IGFBP7: variants seen among roughly 807,000 people sequenced by gnomAD.
IGFBP7 encodes insulin like growth factor binding protein 7, also known as insulin-like growth factor-binding protein 7.
In IGFBP7, 31 loss-of-function variants were observed where a neutral mutation model predicts 29.4. The ratio of observed to expected loss-of-function variants is 1.05; its 90% confidence interval spans 0.79 to 1.42. IGFBP7 has a LOEUF of 1.42. IGFBP7 is among the 40% of genes most tolerant of loss of function. The pLI, the probability that IGFBP7 is intolerant of heterozygous loss-of-function variation, is 0.00. For missense variants in IGFBP7, 393 were observed against 395.5 expected (o/e 0.99, Z 0.05); for synonymous variants, 172 against 174.9 (o/e 0.98, Z 0.13).
At chr4:57,104,123 C>CT (rs1042833490) in intron 1 of IGFBP7, among the ~76,000 whole-genome samples, 12 of 151,766 alleles carry the variant, frequency 7.9e-5, no homozygotes, top group African/African-American at 2.7e-4. Flanking sequence ...CTGTGCTTGG[C>CT]TTTTTTTTCA....
chr4:57,031,010 G>T lies in IGFBP7; in HGVS notation c.*307C>A. ...TTAGCTATTTTACAGGAGTCAACAA[G>T]ATAATTAAATATCTTGGTGTCTTGT... is the stretch of plus-strand genomic sequence containing the variant. On this transcript the variant is annotated 3_prime_UTR_variant, in exon 5 of 5. Coordinates refer to ENST00000295666, the MANE Select transcript of IGFBP7 (RefSeq NM_001553.3). The T allele has an allele frequency of 7.3e-7, 1 of 1,361,254 alleles. No homozygotes were observed. 84.3% of individuals were successfully genotyped at this position (1,361,254 alleles called of 1,614,324 possible).
At chr4:57,034,065 A>AAT (rs1318416588) in intron 2 of IGFBP7, among the ~76,000 whole-genome samples, 4 of 151,548 alleles carry the variant, frequency 2.6e-5, no homozygotes, top group African/African-American at 9.7e-5. Flanking sequence ...AAAAAAAAAA[A>AAT]AAACAGCTGT....
At chr4:57,050,284 G>T (rs1353524040) in intron 1 of IGFBP7, among the ~76,000 whole-genome samples, 8 of 142,498 alleles carry the variant, frequency 5.6e-5, no homozygotes, top group Non-Finnish European at 9.0e-5. Flanking sequence ...TCGCTCTTTC[G>T]CTCAGGCAGG....
chr4:57,056,866 C>T (rs1047364199), intron 1 of IGFBP7, among the ~76,000 whole-genome samples: 2 of 152,192 alleles, frequency 1.3e-5, no homozygotes, highest in Non-Finnish European at 2.9e-5. Context: ...GGCACTTTGG[C>T]TAATTTTAGG....
chr4:57,031,553 T>C (rs1723927982), intron 4 of IGFBP7, among the ~76,000 whole-genome samples: 1 of 152,226 alleles, frequency 6.6e-6, no homozygotes, highest in Non-Finnish European at 1.5e-5. Flanking sequence ...TATTGGTTGA[T>C]GCATCAAAGG....
chr4:57,079,205 G>A (rs1714009), intron 1 of IGFBP7, among the ~76,000 whole-genome samples: 77,096 of 151,914 alleles, frequency 0.51, 20,941 homozygotes, highest in Middle Eastern at 0.62. Context: ...CGAGGTTTAT[G>A]TTGTCTTGTG....
At chr4:57,083,135 G>A (rs2176570) in intron 1 of IGFBP7, among the ~76,000 whole-genome samples, 22,490 of 152,000 alleles carry the variant, frequency 0.15, 2,946 homozygotes, top group African/African-American at 0.34. Flanking sequence ...GTCCCTATGC[G>A]TTAGCACTTT....
At chr4:57,106,222 T>A (rs1348500693) in intron 1 of IGFBP7, among the ~76,000 whole-genome samples, 1 of 152,104 alleles carries the variant, frequency 6.6e-6, no homozygotes, top group Non-Finnish European at 1.5e-5. Context: ...TTTTAAAATT[T>A]TTATTATTAT....
chr4:57,096,925 C>A (rs1255675218), intron 1 of IGFBP7, among the ~76,000 whole-genome samples: 1 of 152,152 alleles, frequency 6.6e-6, no homozygotes, highest in East Asian at 1.9e-4. Context: ...TGAATTACAG[C>A]AATAACTTTA....
intron 1 of IGFBP7, among the ~76,000 whole-genome samples, chr4:57,060,569 G>A (rs145654747): frequency 6.6e-5 from 10 of 152,168 alleles, no homozygotes; most frequent in African/African-American, 1.9e-4. Flanking sequence ...ACCCCAGTTC[G>A]TTATCCATTG....
At chr4:57,078,298 G>T (rs530257601) in intron 1 of IGFBP7, among the ~76,000 whole-genome samples, 2 of 152,218 alleles carry the variant, frequency 1.3e-5, no homozygotes, top group African/African-American at 4.8e-5. Flanking sequence ...CGAGTAACTT[G>T]CCCAGTGCTA....
intron 1 of IGFBP7, among the ~76,000 whole-genome samples, chr4:57,061,395 A>G (rs1264303728): frequency 1.3e-5 from 2 of 152,224 alleles, no homozygotes; most frequent in African/African-American, 4.8e-5. Flanking sequence ...AACAGCAACT[A>G]ATAGTAAAAT....
chr4:57,055,951 G>A (rs1276499564), intron 1 of IGFBP7, among the ~76,000 whole-genome samples: 1 of 152,108 alleles, frequency 6.6e-6, no homozygotes, highest in Non-Finnish European at 1.5e-5. Flanking sequence ...GCAGAGCGCA[G>A]GGCGTGATGG....
intron 1 of IGFBP7, among the ~76,000 whole-genome samples, chr4:57,088,001 C>T (rs529161470): frequency 6.6e-6 from 1 of 152,156 alleles, no homozygotes; most frequent in South Asian, 2.1e-4. Flanking sequence ...CAGGGCTTTG[C>T]TTTGTCACCC....
rs139042835 is a variant in IGFBP7 at position 57,030,773 on chromosome 4, T to C, written c.*544A>G. ...ACCACCATAAGCTGAGGTAGCAGAATGTGTGTTCTCAGCTCCACTCATTTA... is the reference window on the plus strand; with the variant it reads ...ACCACCATAAGCTGAGGTAGCAGAACGTGTGTTCTCAGCTCCACTCATTTA... On this transcript the variant is annotated 3_prime_UTR_variant, in exon 5 of 5. Coordinates refer to ENST00000295666, the MANE Select transcript of IGFBP7 (RefSeq NM_001553.3). 1.6e-5 allele frequency: 10 copies of C among 634,582 alleles called. No homozygotes were observed. Among genetic ancestry groups the C allele is most frequent in the Non-Finnish European group, 2.6e-5 (9 of 350,952 alleles). 39.3% of individuals were successfully genotyped at this position (634,582 alleles called of 1,614,324 possible).
intron 1 of IGFBP7, among the ~76,000 whole-genome samples, chr4:57,073,834 T>C (rs1166927543): frequency 6.6e-6 from 1 of 152,138 alleles, no homozygotes; most frequent in Non-Finnish European, 1.5e-5. Context: ...AAGCGTGTTC[T>C]CTTTATCTGA....
At chr4:57,055,809 G>C (rs1178891618) in intron 1 of IGFBP7, among the ~76,000 whole-genome samples, 1 of 152,028 alleles carries the variant, frequency 6.6e-6, no homozygotes, top group Non-Finnish European at 1.5e-5. Context: ...CTCGAACTTG[G>C]GAGCCGCCCT....
At chr4:57,078,359 C>T (rs1281405477) in intron 1 of IGFBP7, among the ~76,000 whole-genome samples, 1 of 152,170 alleles carries the variant, frequency 6.6e-6, no homozygotes, top group Admixed American at 6.5e-5. Flanking sequence ...CACCTCCTAA[C>T]CACTATTCCA....
intron 1 of IGFBP7, among the ~76,000 whole-genome samples, chr4:57,088,751 G>A (rs1560506072): frequency 6.6e-6 from 1 of 151,984 alleles, no homozygotes. Flanking sequence ...CTTGCTGGCT[G>A]GGCACGGTGG....
Sources: gnomAD v4.1 joint callset for allele counts (sites outside exome capture counted in the v4.1 genomes callset) on GRCh38, gnomAD v4.1.1 for gene constraint, MANE v1.5 for transcripts, NCBI Gene and HGNC (gene_info 2026-07-23, HGNC 2026-07-21) for gene names.